ZDHHC13: variants seen among roughly 807,000 people sequenced by gnomAD.
ZDHHC13 encodes palmitoyltransferase ZDHHC13.
A neutral mutation model predicts 86.0 loss-of-function variants in ZDHHC13; 85 were observed. The observed-to-expected ratio is 0.99, with a 90% confidence interval of 0.83 to 1.18. The LOEUF is 1.18. Ranked by LOEUF, ZDHHC13 falls within the 50% of genes most tolerant of loss-of-function variation. The pLI is 0.00. For synonymous variants in ZDHHC13, 263 were observed against 246.4 expected, an observed-to-expected ratio of 1.07 and a Z score of -0.63; for missense variants, 711 against 730.2, an observed-to-expected ratio of 0.97 and a Z score of 0.30.
intron 10 of ZDHHC13, among the ~76,000 whole-genome samples, chr11:19,161,362 T>G (rs915903360): frequency 2.6e-5 from 4 of 152,158 alleles, no homozygotes; most frequent in African/African-American, 9.7e-5. Context: ...AAGCTCATGG[T>G]GTGGCTGCAA....
chr11:19,144,061 CTA>C lies in ZDHHC13; in HGVS notation c.173+940_173+941del, dbSNP rs143907241. On this transcript the variant is annotated intron_variant, in intron 2 of 16. Transcript: ENST00000446113. Reference sequence around the variant, plus strand: ...GCCTTGATATGGACTAATGTATTGTCTATGTTAATTAAAAAATATATTGACAA... The same window carrying C: ...GCCTTGATATGGACTAATGTATTGTCTGTTAATTAAAAAATATATTGACAA... 6.8e-3 allele frequency among the ~76,000 whole-genome samples: 1,037 copies of C among 152,096 alleles called. 9 individuals carry two copies. Among genetic ancestry groups the C allele is most frequent in the African/African-American group, 0.024 (978 of 41,484 alleles).
chr11:19,126,509 T>TTTTTTC (rs1848881902), intron 1 of ZDHHC13, among the ~76,000 whole-genome samples: 4 of 143,460 alleles, frequency 2.8e-5, no homozygotes, highest in Non-Finnish European at 6.1e-5. Flanking sequence ...CTAATTTTTT[T>TTTTTTC]TTTTTTTTTT....
chr11:19,118,787 G>C (rs1011986395), intron 1 of ZDHHC13: 2 of 152,162 alleles, frequency 1.3e-5, no homozygotes, highest in African/African-American at 4.8e-5. Flanking sequence ...CCCCATTTTT[G>C]ATCCTCACTA....
At chr11:19,149,158 C>T in intron 4 of ZDHHC13, 29 bp from the exon 5 acceptor site, 1 of 1,491,440 alleles carries the variant, frequency 6.7e-7, no homozygotes, top group Non-Finnish European at 9.0e-7. Context: ...CTGCATGCTA[C>T]AGAATGGCTT....
At chr11:19,161,848 C>T (rs1849919975) in intron 10 of ZDHHC13, among the ~76,000 whole-genome samples, 1 of 152,098 alleles carries the variant, frequency 6.6e-6, no homozygotes, top group Admixed American at 6.6e-5. Flanking sequence ...ACTAAATGCT[C>T]AGTGTGGCTA....
intron 1 of ZDHHC13, among the ~76,000 whole-genome samples, chr11:19,132,440 C>G (rs1281073403): frequency 6.6e-6 from 1 of 152,174 alleles, no homozygotes; most frequent in Non-Finnish European, 1.5e-5. Flanking sequence ...CGTATAAACT[C>G]CAGTAATTGT....
chr11:19,150,710 GTCT>G lies in ZDHHC13; in HGVS notation c.520-12_520-10del. ...GAGTGTATTTACAGTTATGCTAATT[GTCT>G]TCTTTTTGAATAGAGTGTGAATATG... On this transcript the variant is annotated splice_polypyrimidine_tract_variant and intron_variant, in intron 5 of 16. Transcript: ENST00000446113. 6.3e-7 allele frequency: 1 copy of G among 1,597,528 alleles called. No homozygotes were observed. Among genetic ancestry groups the G allele is most frequent in the Non-Finnish European group, 8.6e-7 (1 of 1,168,210 alleles).
intron 1 of ZDHHC13, among the ~76,000 whole-genome samples, chr11:19,126,149 G>C (rs1230381216): frequency 6.6e-6 from 1 of 151,924 alleles, no homozygotes; most frequent in African/African-American, 2.4e-5. Context: ...TTTAGGTTTG[G>C]GGATACATGT....
chr11:19,133,942 T>TATATATACACAC, intron 1 of ZDHHC13, among the ~76,000 whole-genome samples: 8 of 96,094 alleles, frequency 8.3e-5, no homozygotes, highest in East Asian at 2.4e-4. Flanking sequence ...TATATATATA[T>TATATATACACAC]ACACGTATGT....
chr11:19,165,212 A>G, intron 13 of ZDHHC13, 67 bp downstream of exon 13: 1 of 1,488,422 alleles, frequency 6.7e-7, no homozygotes, highest in Non-Finnish European at 9.2e-7. Flanking sequence ...ACTCACAGAA[A>G]AAGTGGAAGG....
At chr11:19,154,748 C>T (rs1162165326) in intron 8 of ZDHHC13, among the ~76,000 whole-genome samples, 1 of 152,192 alleles carries the variant, frequency 6.6e-6, no homozygotes, top group Admixed American at 6.5e-5. Context: ...TCCCTGGATT[C>T]CCTGAAACCT....
intron 8 of ZDHHC13, among the ~76,000 whole-genome samples, chr11:19,155,468 C>A (rs2039991934): frequency 6.6e-6 from 1 of 151,222 alleles, no homozygotes; most frequent in Admixed American, 6.6e-5. Context: ...GTAATCCCAG[C>A]TACTTGGGAG....
At chr11:19,143,516 G>A (rs774755580) in intron 2 of ZDHHC13, among the ~76,000 whole-genome samples, 3 of 152,160 alleles carry the variant, frequency 2.0e-5, no homozygotes, top group Non-Finnish European at 4.4e-5. Context: ...ACCTGAATAG[G>A]TAGATGGAAT....
chr11:19,170,640 A>T (rs1358483982), intron 15 of ZDHHC13, 72 bp downstream of exon 15: 7 of 1,385,504 alleles, frequency 5.1e-6, no homozygotes, highest in Non-Finnish European at 6.7e-6. Flanking sequence ...CCTTGAATTT[A>T]AAATCAGAAG....
intron 15 of ZDHHC13, among the ~76,000 whole-genome samples, chr11:19,171,508 A>C (rs1429981100): frequency 6.6e-6 from 1 of 152,236 alleles, no homozygotes; most frequent in Non-Finnish European, 1.5e-5. Flanking sequence ...ATGTTTAGGG[A>C]TGAAACTGAG....
At chr11:19,119,209 C>G (rs905745226) in intron 1 of ZDHHC13, among the ~76,000 whole-genome samples, 2 of 152,108 alleles carry the variant, frequency 1.3e-5, no homozygotes, top group African/African-American at 4.8e-5. Context: ...CTCCCGGGTT[C>G]ATATGATTCC....
In ZDHHC13 at chr11:19,117,188, T is replaced by C. The variant is rs11823407; in HGVS notation, c.-62T>C. ...GGAGAAGAGGCGACCCAAGGCGGGCTGGCGGGCTGGCGGCAGTCGCTACTT... is the reference window on the plus strand; with the variant it reads ...GGAGAAGAGGCGACCCAAGGCGGGCCGGCGGGCTGGCGGCAGTCGCTACTT... On this transcript the variant is annotated 5_prime_UTR_variant, in exon 1 of 17. Transcript: ENST00000446113. This position sits in a 1 kb window ranked among gnomAD's most constrained non-coding sequence, Gnocchi z 4.2. 2.0e-3 allele frequency: 2,970 copies of C among 1,521,984 alleles called. 37 individuals carry two copies. In the African/African-American group the frequency reaches 0.036, roughly 18 times the overall value. 94.3% of individuals were successfully genotyped at this position (1,521,984 alleles called of 1,614,324 possible).
chr11:19,170,535 G>A lies in ZDHHC13; in HGVS notation c.1599G>A (p.Trp533Ter). The A allele has an allele frequency of 6.5e-7, 1 of 1,528,044 alleles. No homozygotes were observed. The highest frequency in any genetic ancestry group is 8.8e-7 in the Non-Finnish European group (1 of 1,141,162). The allele number at this position is 1,528,044 out of a possible 1,614,324, so 94.7% of individuals were successfully genotyped here. The change falls in exon 15 of 17, where the codon TGG becomes TGA. Residue 533 changes from tryptophan to a stop codon, truncating the protein, a stop_gained. Transcript: ENST00000446113. LOFTEE classifies it high-confidence loss of function. ...TGCTAGCAACTTTCCATTTCTCATG[G>A]TCAACATTTTTATTATTAAATCAAC... ...ILMLATFHFS[W>*]STFLLLNQLF...
intron 14 of ZDHHC13, chr11:19,168,123 G>A (rs1850124003): frequency 6.6e-6 from 1 of 152,206 alleles, no homozygotes; most frequent in Non-Finnish European, 1.5e-5. Flanking sequence ...AAACTTCTTA[G>A]ATTATGTCTT....
Sources: gnomAD v4.1 joint callset for allele counts (sites outside exome capture counted in the v4.1 genomes callset) on GRCh38, gnomAD v4.1.1 for gene constraint, Gnocchi (gnomAD v3.1) non-coding constraint, MANE v1.5 for transcripts, NCBI Gene and HGNC (gene_info 2026-07-23, HGNC 2026-07-21) for gene names.